The following ZNF469 variants were observed in gnomAD, a reference collection of about 807,000 sequenced individuals.
ZNF469 encodes zinc finger protein 469.
ZNF469 carries 1 observed loss-of-function variant against 1.0 expected under a neutral mutation model. That is an observed-to-expected ratio of 1.00 (90% confidence interval 0.35 to 4.73). The LOEUF is 4.73. Ranked by LOEUF, ZNF469 falls within the 30% of genes most tolerant of loss-of-function variation. The pLI is 0.16. For synonymous variants in ZNF469, 2,703 were observed against 2,363.4 expected, an observed-to-expected ratio of 1.14 and a Z score of -4.17; for missense variants, 6,100 against 5,356.3, an observed-to-expected ratio of 1.14 and a Z score of -4.33.
the ZNF469 span, among the ~76,000 whole-genome samples, chr16:88,360,484 G>A: frequency 1.4e-5 from 2 of 145,526 alleles, no homozygotes; most frequent in African/African-American, 5.1e-5. Context: ...CCCCCAGACA[G>A]CGCCCGCATG....
the ZNF469 span, among the ~76,000 whole-genome samples, chr16:88,221,678 A>G: frequency 5.3e-5 from 8 of 152,210 alleles, no homozygotes; most frequent in African/African-American, 1.9e-4. Flanking sequence ...AGGACCACAC[A>G]CCGGGGGGCT....
chr16:88,399,473 C>T (rs748781165), intron 1 of ZNF469, among the ~76,000 whole-genome samples: 1 of 152,010 alleles, frequency 6.6e-6, no homozygotes, highest in South Asian at 2.1e-4. Flanking sequence ...AGCAGATGCC[C>T]GTGGGCCAGG....
rs916244972 is a variant in ZNF469 at position 88,427,610 on chromosome 16, G to A, written c.140G>A (p.Gly47Asp). The change falls in exon 3 of 3, where the codon GGT becomes GAT. Residue 47 changes from glycine (G) to aspartate (D), a missense_variant. Physicochemically the swap from Gly to Asp is moderately conservative, Grantham distance 94. Coordinates refer to ENST00000565624, the MANE Select transcript of ZNF469 (RefSeq NM_001367624.2). ...DNTPATRTTK[G>D]AREAGGQAQA... ...ACCCCAGCTACCAGGACCACCAAGGGTGCCAGGGAGGCTGGCGGCCAGGCC... is the reference window on the plus strand; with the variant it reads ...ACCCCAGCTACCAGGACCACCAAGGATGCCAGGGAGGCTGGCGGCCAGGCC... 4 of 1,537,172 alleles carry A rather than the reference G, an allele frequency of 2.6e-6. No individual in the cohort carries two copies. The highest frequency in any genetic ancestry group is 2.6e-6 in the Non-Finnish European group (3 of 1,146,516).
At chr16:88,249,034 C>G in the ZNF469 span, among the ~76,000 whole-genome samples, 5 of 152,080 alleles carry the variant, frequency 3.3e-5, no homozygotes, top group Admixed American at 2.0e-4. Context: ...CTGTCTCCCT[C>G]TCACGCTGCA....
At chr16:88,377,851 G>A in the ZNF469 span, among the ~76,000 whole-genome samples, 85 of 152,022 alleles carry the variant, frequency 5.6e-4, no homozygotes, top group Non-Finnish European at 8.4e-4. Flanking sequence ...CCCCACTTTC[G>A]TATTCTAGAG....
chr16:88,243,911 C>CATATATATATATATATATATATAT, the ZNF469 span, among the ~76,000 whole-genome samples: 1 of 26,274 alleles, frequency 3.8e-5, no homozygotes, highest in Non-Finnish European at 9.7e-5. Context: ...TGGCTGGATG[C>CATATATATATATATATATATATAT]ATATATATAT....
At chr16:88,183,933 G>A in the ZNF469 span, among the ~76,000 whole-genome samples, 1 of 151,998 alleles carries the variant, frequency 6.6e-6, no homozygotes. Flanking sequence ...GTAGGGAGTG[G>A]GGAGAGCCAC....
the ZNF469 span, among the ~76,000 whole-genome samples, chr16:88,166,719 G>C: frequency 9.3e-5 from 14 of 151,062 alleles, no homozygotes; most frequent in Admixed American, 4.0e-4. The surrounding 1 kb of genome is among the most constrained non-coding windows in gnomAD (Gnocchi z 4.5). Flanking sequence ...TTTCAGAACC[G>C]ATATGCCTTT....
chr16:88,247,319 G>C, the ZNF469 span, among the ~76,000 whole-genome samples: 2 of 149,932 alleles, frequency 1.3e-5, no homozygotes, highest in Admixed American at 1.3e-4. Context: ...GTGAATGAGT[G>C]AGTGAATGGT....
the ZNF469 span, among the ~76,000 whole-genome samples, chr16:88,214,685 G>GATGTTCC: frequency 3.9e-5 from 6 of 152,200 alleles, no homozygotes; most frequent in African/African-American, 1.4e-4. Flanking sequence ...CCCGGTGTGT[G>GATGTTCC]ATGTTCCCCT....
At chr16:88,322,332 C>T in the ZNF469 span, among the ~76,000 whole-genome samples, 4 of 152,260 alleles carry the variant, frequency 2.6e-5, no homozygotes. Flanking sequence ...CTGCCAGTAC[C>T]TGGACCCATC....
At chr16:88,298,873 T>C in the ZNF469 span, among the ~76,000 whole-genome samples, 100,990 of 152,076 alleles carry the variant, frequency 0.66, 33,822 homozygotes, top group East Asian at 0.93. Flanking sequence ...GCCCCATTTT[T>C]CCCTCTGAGG....
chr16:88,259,720 AGG>A, the ZNF469 span, among the ~76,000 whole-genome samples: 4,936 of 152,182 alleles, frequency 0.032, 117 homozygotes, highest in South Asian at 0.067. This position sits in a 1 kb window ranked among gnomAD's most constrained non-coding sequence, Gnocchi z 4.1. Flanking sequence ...CCAATGTCCC[AGG>A]GTCTCCACAC....
chr16:88,158,831 G>C, the ZNF469 span, among the ~76,000 whole-genome samples: 1 of 152,200 alleles, frequency 6.6e-6, no homozygotes, highest in Admixed American at 6.5e-5. Flanking sequence ...CAGGGGGGCA[G>C]AGCTCTGCAG....
At chr16:88,144,534 A>G in the ZNF469 span, among the ~76,000 whole-genome samples, 1 of 152,126 alleles carries the variant, frequency 6.6e-6, no homozygotes, top group African/African-American at 2.4e-5. Flanking sequence ...TTTGAGGCAC[A>G]TTTTTCTATT....
At position 88,409,318 on chromosome 16, in the gene ZNF469, C is replaced by G. The variant is rs1905085173; in HGVS notation, c.-191-15489C>G. Among the ~76,000 whole-genome samples the G allele has an allele frequency of 2.6e-5, 4 of 152,232 alleles. No homozygotes were observed. The South Asian group carries it at 8.3e-4, about 32-fold the overall frequency. ...GGTAGAGATGGGATCTCCATCCTTC[C>G]CTCGGAGACACTTGAGAACTGGAGG... is the stretch of plus-strand genomic sequence containing the variant. On this transcript the variant is annotated intron_variant, in intron 1 of 2. Coordinates refer to ENST00000565624, the MANE Select transcript of ZNF469 (RefSeq NM_001367624.2).
chr16:88,318,849 C>G, the ZNF469 span, among the ~76,000 whole-genome samples: 1 of 152,258 alleles, frequency 6.6e-6, no homozygotes, highest in African/African-American at 2.4e-5. Flanking sequence ...AGCGTCCAGA[C>G]GGCCATCATG....
chr16:88,327,286 T>C, the ZNF469 span, among the ~76,000 whole-genome samples: 4 of 152,088 alleles, frequency 2.6e-5, 1 homozygote, highest in African/African-American at 9.6e-5. Context: ...CTCCATCCAC[T>C]CAGCCTCACG....
the ZNF469 span, among the ~76,000 whole-genome samples, chr16:88,184,468 C>T: frequency 6.6e-6 from 1 of 151,894 alleles, no homozygotes; most frequent in East Asian, 1.9e-4. Flanking sequence ...GCCACATCGT[C>T]TTCGTTTCCT....
Sources: gnomAD v4.1 joint callset for allele counts (sites outside exome capture counted in the v4.1 genomes callset) on GRCh38, gnomAD v4.1.1 for gene constraint, Gnocchi (gnomAD v3.1) non-coding constraint, MANE v1.5 for transcripts, NCBI Gene and HGNC (gene_info 2026-07-23, HGNC 2026-07-21) for gene names.